PTPRA: variants seen among roughly 807,000 people sequenced by gnomAD.
PTPRA encodes the protein protein tyrosine phosphatase receptor type A, also known as receptor-type tyrosine-protein phosphatase alpha.
In PTPRA, 25 loss-of-function variants were observed where a neutral mutation model predicts 104.8. That is an observed-to-expected ratio of 0.24 (90% CI 0.17 to 0.33). PTPRA has a LOEUF of 0.33. PTPRA is among the 10% of genes least tolerant of loss of function. The probability of loss-of-function intolerance (pLI) is 1.00; values close to 1 mark genes in which losing one functional copy is unlikely to be tolerated. For synonymous variants in PTPRA, 323 were observed against 368.9 expected, an observed-to-expected ratio of 0.88 and a Z score of 1.43; for missense variants, 765 against 1,015.3, an observed-to-expected ratio of 0.75 and a Z score of 3.35.
chr20:2,915,491 G>A (rs1165579559), intron 1 of PTPRA, among the ~76,000 whole-genome samples: 1 of 12,538 alleles, frequency 8.0e-5, no homozygotes. Flanking sequence ...AATTGTAAGA[G>A]TTCTTTATTC....
rs573951095 is a variant in PTPRA, at chr20:3,032,500, G to A, written c.1921-3085G>A. On this transcript the variant is annotated intron_variant, in intron 20 of 23. Coordinates refer to ENST00000399903, the MANE Select transcript of PTPRA (RefSeq NM_001385305.1). ...AGTTGGCTTTCGGCCGGGCGCGGTGGCTCACGCCTGTAATCCCAGCACTTT... is the reference window on the plus strand; with the variant it reads ...AGTTGGCTTTCGGCCGGGCGCGGTGACTCACGCCTGTAATCCCAGCACTTT... Among the ~76,000 whole-genome samples the A allele has an allele frequency of 8.9e-3, 1,349 of 152,222 alleles. 13 individuals are homozygous for A. Among genetic ancestry groups the A allele is most frequent in the Middle Eastern group, 0.024 (7 of 294 alleles).
At chr20:2,877,891 G>A (rs774854565) in intron 1 of PTPRA, among the ~76,000 whole-genome samples, 3 of 152,098 alleles carry the variant, frequency 2.0e-5, no homozygotes, top group African/African-American at 4.8e-5. Flanking sequence ...GGTGGCTCAC[G>A]CCTGTAATCC....
intron 1 of PTPRA, among the ~76,000 whole-genome samples, chr20:2,892,721 G>A (rs886712373): frequency 3.3e-5 from 5 of 152,148 alleles, no homozygotes; most frequent in African/African-American, 4.8e-5. Flanking sequence ...CTACTTAAAC[G>A]ATATTTTCAG....
At chr20:2,897,868 G>A (rs2059071460) in intron 1 of PTPRA, among the ~76,000 whole-genome samples, 1 of 150,562 alleles carries the variant, frequency 6.6e-6, no homozygotes, top group Non-Finnish European at 1.5e-5. Flanking sequence ...AACCCTTTCA[G>A]GCTGGCTCCT....
At chr20:3,004,450 G>T (rs1298522645) in intron 9 of PTPRA, among the ~76,000 whole-genome samples, 2 of 152,228 alleles carry the variant, frequency 1.3e-5, no homozygotes, top group African/African-American at 4.8e-5. Context: ...ATTTGCTCCA[G>T]AACTGCTGCA....
chr20:2,975,412 T>C (rs1468303451), intron 6 of PTPRA, among the ~76,000 whole-genome samples, 171 bp downstream of exon 6: 2 of 152,232 alleles, frequency 1.3e-5, no homozygotes, highest in Non-Finnish European at 2.9e-5. Context: ...TAGAAACAAG[T>C]ACTGTATTCA....
Position 2,964,253 on chromosome 20 carries a change from AT to A in PTPRA, c.-6-18del. On this transcript the variant is annotated intron_variant, in intron 3 of 23. Coordinates refer to ENST00000399903, the MANE Select transcript of PTPRA (RefSeq NM_001385305.1). ...CTGATAATATAGGACCTCATCTAAC[AT>A]GACTCCCTATTTTCCAGATAAGCAT... 1 of 1,588,512 alleles carries A rather than the reference AT, an allele frequency of 6.3e-7. No individual in the cohort carries two copies. Among genetic ancestry groups the A allele is most frequent in the Non-Finnish European group, 8.6e-7 (1 of 1,160,068 alleles).
At chr20:2,866,218 G>A in the PTPRA span, 2 of 1,614,138 alleles carry the variant, frequency 1.2e-6, no homozygotes, top group South Asian at 1.1e-5. Flanking sequence ...CAAGCCTTTT[G>A]TGGAGATCTG....
intron 1 of PTPRA, among the ~76,000 whole-genome samples, chr20:2,894,974 G>A (rs1451618186): frequency 1.4e-5 from 2 of 143,040 alleles, no homozygotes; most frequent in Non-Finnish European, 3.0e-5. Context: ...GCGACAGAGC[G>A]AGACTCCTTC....
At chr20:3,032,601 A>G (rs1014687810) in intron 20 of PTPRA, among the ~76,000 whole-genome samples, 1 of 151,882 alleles carries the variant, frequency 6.6e-6, no homozygotes, top group Non-Finnish European at 1.5e-5. Flanking sequence ...CCCCATCTCT[A>G]CTAAAAATAC....
intron 1 of PTPRA, among the ~76,000 whole-genome samples, chr20:2,883,375 G>A (rs1339993294): frequency 8.8e-5 from 2 of 22,828 alleles, no homozygotes; most frequent in Middle Eastern, 0.017. Flanking sequence ...TGTGCAGGCC[G>A]GGCGCGGTGG....
intron 1 of PTPRA, among the ~76,000 whole-genome samples, chr20:2,887,796 TC>T (rs1481803569): frequency 1.3e-5 from 2 of 152,218 alleles, no homozygotes; most frequent in African/African-American, 4.8e-5. Context: ...GTGGGATAGT[TC>T]CAGGACTTTC....
At chr20:2,892,482 C>A (rs1415803450) in intron 1 of PTPRA, among the ~76,000 whole-genome samples, 1 of 152,018 alleles carries the variant, frequency 6.6e-6, no homozygotes, top group Non-Finnish European at 1.5e-5. Flanking sequence ...GATCTTTTCC[C>A]AGGCTAGTGA....
At chr20:2,991,853 T>C (rs2063190916) in intron 9 of PTPRA, among the ~76,000 whole-genome samples, 1 of 152,244 alleles carries the variant, frequency 6.6e-6, no homozygotes, top group African/African-American at 2.4e-5. Flanking sequence ...TTTTCTTTCT[T>C]GTGCTAGTTA....
chr20:3,004,439 C>T (rs2063769905), intron 9 of PTPRA, among the ~76,000 whole-genome samples: 1 of 152,242 alleles, frequency 6.6e-6, no homozygotes, highest in African/African-American at 2.4e-5. Flanking sequence ...AACTAATCTA[C>T]ATTTGCTCCA....
intron 9 of PTPRA, among the ~76,000 whole-genome samples, chr20:2,999,309 AT>A (rs2063532459): frequency 2.0e-5 from 3 of 152,334 alleles, no homozygotes; most frequent in African/African-American, 4.8e-5. Flanking sequence ...ATTCAATGCA[AT>A]TCCAATAAAA....
In PTPRA at chr20:2,883,878, A is replaced by G. The variant is rs2090216494; in HGVS notation, c.-129+10118A>G. The stretch of plus-strand genomic sequence containing the variant: ...TTCATCACCCCAAAAGAGACCCTGC[A>G]CCCATTAGCCTCACTTCCCATTCTC... On this transcript the variant is annotated intron_variant, in intron 1 of 23. Transcript: ENST00000399903. 3.3e-5 allele frequency among the ~76,000 whole-genome samples: 5 copies of G among 152,110 alleles called. No homozygotes were observed. The South Asian group carries it at 8.3e-4, about 25-fold the overall frequency.
chr20:2,975,080 G>A lies in PTPRA; in HGVS notation c.416-135G>A, dbSNP rs971506997. 7.5e-5 allele frequency: 55 copies of A among 732,720 alleles called. No homozygotes were observed. In the African/African-American group the frequency reaches 8.6e-4, roughly 11 times the overall value. 45.4% of individuals were successfully genotyped at this position (732,720 alleles called of 1,614,324 possible). On this transcript the variant is annotated intron_variant, in intron 5 of 23. Transcript: ENST00000399903. ...AAGTTTAGTGAATCTGGGCAGCCTTGTTTCCCAGTTGTTGGAGGATGCCTC... is the reference window on the plus strand; with the variant it reads ...AAGTTTAGTGAATCTGGGCAGCCTTATTTCCCAGTTGTTGGAGGATGCCTC...
chr20:2,923,725 G>A (rs185869827), intron 2 of PTPRA, among the ~76,000 whole-genome samples: 134 of 152,210 alleles, frequency 8.8e-4, no homozygotes, highest in Non-Finnish European at 1.6e-3. Flanking sequence ...CTTGAACCCA[G>A]GAGACAGAGG....
Sources: gnomAD v4.1 joint callset for allele counts (sites outside exome capture counted in the v4.1 genomes callset) on GRCh38, gnomAD v4.1.1 for gene constraint, MANE v1.5 for transcripts, NCBI Gene and HGNC (gene_info 2026-07-23, HGNC 2026-07-21) for gene names.